RESF1: variants seen among roughly 807,000 people sequenced by gnomAD.
RESF1 encodes the protein gonad expressed transcript.
In RESF1, 65 loss-of-function variants were observed where a neutral mutation model predicts 134.7. The ratio of observed to expected loss-of-function variants is 0.48; its 90% CI spans 0.40 to 0.59. The LOEUF (loss-of-function observed/expected upper bound fraction) is 0.59. Among genes scored for constraint, RESF1 ranks in the 20% least tolerant of loss-of-function variants. The pLI, the probability that RESF1 is intolerant of heterozygous loss-of-function variation, is 0.00. For missense variants in RESF1, 2,274 were observed against 2,002.7 expected (o/e 1.14, Z -2.59); for synonymous variants, 762 against 702.2 (o/e 1.09, Z -1.35).
intron 5 of RESF1, 91 bp from the exon 6 acceptor site, chr12:31,992,287 T>C (rs1275105187): frequency 7.0e-6 from 8 of 1,148,056 alleles, no homozygotes; most frequent in Non-Finnish European, 8.8e-6. Flanking sequence ...TTTTTATCCC[T>C]CCAATATATA....
chr12:31,982,311 G>T lies in RESF1; in HGVS notation c.1356G>T (p.Gln452His), dbSNP rs779378120. 7 of 1,614,126 alleles carry T rather than the reference G, an allele frequency of 4.3e-6. No homozygotes were observed. Among genetic ancestry groups the T allele is most frequent in the Admixed American group, 1.7e-5 (1 of 60,024 alleles). ...KLSLKQTAKI[Q>H]SGPQITPVMP... The stretch of plus-strand genomic sequence containing the variant: ...CTCTAAAACAAACTGCCAAAATCCA[G>T]TCTGGACCCCAGATAACTCCAGTAA... Residue 452 changes from glutamine to histidine, a missense_variant, in exon 4 of 6, where the codon CAG (glutamine) becomes CAT (histidine). Coordinates refer to ENST00000312561, the MANE Select transcript of RESF1 (RefSeq NM_018169.4).
chr12:31,981,804 C>G lies in RESF1; in HGVS notation c.849C>G (p.Asn283Lys), dbSNP rs907984729. The change falls in exon 4 of 6, where the codon AAC (asparagine) becomes AAG (lysine). Residue 283 changes from asparagine to lysine, a missense_variant. Asn to Lys is a moderately conservative substitution (Grantham distance 94, BLOSUM62 0). Transcript: ENST00000312561. ...AAAGACCTCCTCCTCCTCCTTACAA[C>G]TGTAGATATGGAAGCCAGCCTTTGC... is the stretch of plus-strand genomic sequence containing the variant. Reference protein sequence around the residue: ...TDKRPPPPPYNCRYGSQPLQS... With the variant: ...TDKRPPPPPYKCRYGSQPLQS... The G allele has an allele frequency of 2.5e-6, 4 of 1,613,930 alleles. No homozygotes were observed. The African/African-American group carries it at 5.3e-5, about 22-fold the overall frequency.
At chr12:31,989,377 CAGAG>C (rs772760485) in intron 5 of RESF1, among the ~76,000 whole-genome samples, 128 of 107,016 alleles carry the variant, frequency 1.2e-3, no homozygotes, top group Non-Finnish European at 1.6e-3. Context: ...GCCTGGGTGA[CAGAG>C]AGAGAGTCTT....
In RESF1 at chr12:31,985,706, G is replaced by T. The variant is rs749968778; in HGVS notation, c.4751G>T (p.Arg1584Ile). ...VKDQKKLYLN[R>I]VGFKCTERES... Reference sequence around the variant, plus strand: ...GATCAAAAGAAATTATATCTGAATAGAGTTGGGTTTAAATGCACTGAACGT... The same window carrying T: ...GATCAAAAGAAATTATATCTGAATATAGTTGGGTTTAAATGCACTGAACGT... The change falls in exon 4 of 6, where the codon AGA becomes ATA. Residue 1584 changes from arginine to isoleucine, a missense_variant. Coordinates refer to ENST00000312561, the MANE Select transcript of RESF1 (RefSeq NM_018169.4). 1.9e-6 allele frequency: 3 copies of T among 1,607,754 alleles called. No individual in the cohort carries two copies. The highest frequency in any genetic ancestry group is 1.1e-5 in the South Asian group (1 of 89,294).
intron 3 of RESF1, among the ~76,000 whole-genome samples, chr12:31,973,324 T>C (rs1462969126): frequency 6.6e-6 from 1 of 151,380 alleles, no homozygotes. Context: ...TTTTTTTTTT[T>C]AAGAGATGAG....
intron 2 of RESF1, 139 bp downstream of exon 2, chr12:31,961,010 C>G (rs986096713): frequency 5.3e-5 from 8 of 152,128 alleles, no homozygotes; most frequent in African/African-American, 1.9e-4. Flanking sequence ...AACTGTGGGT[C>G]ACAATGGAAT....
chr12:31,982,835 T>A lies in RESF1; in HGVS notation c.1880T>A (p.Leu627Gln), dbSNP rs142414275. Residue 627 changes from leucine (L) to glutamine (Q), a missense_variant, in exon 4 of 6, where the codon CTG (leucine) becomes CAG (glutamine). Coordinates refer to ENST00000312561, the MANE Select transcript of RESF1 (RefSeq NM_018169.4). ...NPNTQMTGNQ[L>Q]NLKNMETPST... ...AATACCCAAATGACTGGTAACCAAC[T>A]GAATTTGAAGAACATGGAAACTCCA... 358 of 1,614,146 alleles carry A rather than the reference T, an allele frequency of 2.2e-4. No individual in the cohort carries two copies. In the African/African-American group the frequency reaches 4.3e-3, roughly 19 times the overall value.
In RESF1 at chr12:31,985,070, A is replaced by C; in HGVS notation, c.4115A>C (p.Lys1372Thr). Residue 1372 changes from lysine to threonine, a missense_variant, in exon 4 of 6, where the codon AAA becomes ACA. Transcript: ENST00000312561. ...IKLKLKSVSF[K>T]QKRKLDQGNV... ...TTGAAACTCAAATCAGTTAGCTTCA[A>C]ACAAAAACGAAAGTTAGACCAAGGG... 1 of 1,573,102 alleles carries C rather than the reference A, an allele frequency of 6.4e-7. No homozygotes were observed. The highest frequency in any genetic ancestry group is 8.6e-7 in the Non-Finnish European group (1 of 1,167,452).
chr12:31,982,707 T>G lies in RESF1; in HGVS notation c.1752T>G (p.Leu584=), dbSNP rs566369622. Residue 584 remains leucine (L), a synonymous_variant, in exon 4 of 6, where the codon CTT becomes CTG. Transcript: ENST00000312561. Reference sequence around the variant, plus strand: ...AAATTCAAAATGAAAATATGCTACTTCTCGCTTTGCTTTCACAGGCACGTA... The same window carrying G: ...AAATTCAAAATGAAAATATGCTACTGCTCGCTTTGCTTTCACAGGCACGTA... The part of the protein sequence containing the change: ...KSKIQNENML[L]LALLSQARKT... 34 of 1,613,880 alleles carry G rather than the reference T, an allele frequency of 2.1e-5. No homozygotes were observed. The African/African-American group carries it at 3.5e-4, about 16-fold the overall frequency.
Position 31,984,504 on chromosome 12 carries a change from A to G in RESF1, c.3549A>G (p.Glu1183=). 3.1e-6 allele frequency: 5 copies of G among 1,608,580 alleles called. No homozygotes were observed. Among genetic ancestry groups the G allele is most frequent in the Non-Finnish European group, 4.3e-6 (5 of 1,176,168 alleles). ...TGGGCTGGCTCTCCATGGTTTACGA[A>G]GGAGTACCCCAGTGTCAGTGTAATT... ...CALGWLSMVY[E]GVPQCQCNSI... is the part of the protein sequence containing the mutation. The change falls in exon 4 of 6, where the codon GAA becomes GAG. Residue 1183 remains glutamate (E), a synonymous_variant. Coordinates refer to ENST00000312561, the MANE Select transcript of RESF1 (RefSeq NM_018169.4).
intron 5 of RESF1, among the ~76,000 whole-genome samples, chr12:31,988,998 A>T (rs921777533): frequency 1.3e-5 from 2 of 151,772 alleles, no homozygotes; most frequent in Non-Finnish European, 2.9e-5. Flanking sequence ...CCACCCGAAT[A>T]TATGATTTAA....
At chr12:31,979,553 TA>T (rs935794613) in intron 3 of RESF1, among the ~76,000 whole-genome samples, 1 of 151,714 alleles carries the variant, frequency 6.6e-6, no homozygotes, top group Non-Finnish European at 1.5e-5. Context: ...TTTTGTTTTT[TA>T]AAAAAAACAG....
At chr12:31,963,258 A>C (rs1471017495) in intron 2 of RESF1, among the ~76,000 whole-genome samples, 1 of 151,600 alleles carries the variant, frequency 6.6e-6, no homozygotes, top group Non-Finnish European at 1.5e-5. Flanking sequence ...AGATAGGAGA[A>C]TTGCTTGAAC....
At position 31,980,871 on chromosome 12, in the gene RESF1, C is replaced by A; in HGVS notation, c.-78-7C>A. ...GCATTTTAATAAAATATCTTTATTT[C>A]TTACAGATTCCTGACATTCAGACAA... On this transcript the variant is annotated splice_region_variant and splice_polypyrimidine_tract_variant and intron_variant, in intron 3 of 5. Coordinates refer to ENST00000312561, the MANE Select transcript of RESF1 (RefSeq NM_018169.4). 9.9e-7 allele frequency: 1 copy of A among 1,009,326 alleles called. No homozygotes were observed. The highest frequency in any genetic ancestry group is 1.5e-6 in the Non-Finnish European group (1 of 687,808). The allele number at this position is 1,009,326 out of a possible 1,614,324, so 62.5% of individuals were successfully genotyped here.
rs1023888992 is a variant in RESF1 at position 31,982,882 on chromosome 12, A to C, written c.1927A>C (p.Arg643=). 2 of 1,614,120 alleles carry C rather than the reference A, an allele frequency of 1.2e-6. No homozygotes were observed. The highest frequency in any genetic ancestry group is 2.2e-5 in the East Asian group (1 of 44,884). ...TCCAAGTACTTCTAATGTAAGTGGC[A>C]GGGTTTTGGACAACTCCTTTTGCAG... The part of the protein sequence containing the change: ...ETPSTSNVSG[R]VLDNSFCSGQ... The change falls in exon 4 of 6, where the codon AGG becomes CGG. Residue 643 remains arginine (R), a synonymous_variant. Coordinates refer to ENST00000312561, the MANE Select transcript of RESF1 (RefSeq NM_018169.4).
chr12:31,989,489 A>G (rs1734001802), intron 5 of RESF1, among the ~76,000 whole-genome samples: 1 of 152,014 alleles, frequency 6.6e-6, no homozygotes, highest in South Asian at 2.1e-4. Context: ...TAAGAAGCAC[A>G]TTTTATAAAA....
At position 31,981,822 on chromosome 12, in the gene RESF1, G is replaced by C. The variant is rs761112247; in HGVS notation, c.867G>C (p.Gln289His). ...CTTACAACTGTAGATATGGAAGCCA[G>C]CCTTTGCAAAGTACTCAGCATATTA... is the stretch of plus-strand genomic sequence containing the variant. ...PPPYNCRYGSQPLQSTQHITK... is the reference protein window; with the variant it reads ...PPPYNCRYGSHPLQSTQHITK... Residue 289 changes from glutamine to histidine, a missense_variant, in exon 4 of 6, where the codon CAG becomes CAC. Physicochemically the swap from Gln to His is conservative, Grantham distance 24. Coordinates refer to ENST00000312561, the MANE Select transcript of RESF1 (RefSeq NM_018169.4). 1.9e-6 allele frequency: 3 copies of C among 1,613,916 alleles called. No individual in the cohort carries two copies. Among genetic ancestry groups the C allele is most frequent in the East Asian group, 2.2e-5 (1 of 44,900 alleles).
rs775427440 is a variant in RESF1 at position 31,982,756 on chromosome 12, G to T, written c.1801G>T (p.Asp601Tyr). The T allele has an allele frequency of 3.1e-6, 5 of 1,613,934 alleles. No individual in the cohort carries two copies. In the East Asian group the frequency reaches 6.7e-5, roughly 22 times the overall value. Residue 601 changes from aspartate to tyrosine, a missense_variant, in exon 4 of 6, where the codon GAT becomes TAT. Transcript: ENST00000312561. ...ARKTQKTVLK[D>Y]ANQTIQDSKP... ...TAAGACTCAGAAGACAGTATTAAAAGATGCTAATCAAACTATTCAGGATTC... is the reference window on the plus strand; with the variant it reads ...TAAGACTCAGAAGACAGTATTAAAATATGCTAATCAAACTATTCAGGATTC...
intron 2 of RESF1, among the ~76,000 whole-genome samples, chr12:31,969,759 A>G (rs889391187): frequency 6.6e-6 from 1 of 152,098 alleles, no homozygotes; most frequent in Non-Finnish European, 1.5e-5. Flanking sequence ...CAGCCCCCCA[A>G]GTAGCTGAGA....
Sources: gnomAD v4.1 joint callset for allele counts (sites outside exome capture counted in the v4.1 genomes callset) on GRCh38, gnomAD v4.1.1 for gene constraint, MANE v1.5 for transcripts, NCBI Gene and HGNC (gene_info 2026-07-23, HGNC 2026-07-21) for gene names.